DPP6: variants seen among roughly 807,000 people sequenced by gnomAD.
DPP6 encodes dipeptidyl peptidase like 6, also known as A-type potassium channel modulatory protein DPP6.
In DPP6, 69 loss-of-function variants were observed where a neutral mutation model predicts 122.6. That is an observed-to-expected ratio of 0.56 (90% CI 0.46 to 0.69). The LOEUF is 0.69. DPP6 is among the 30% of genes least tolerant of loss of function. The pLI, the probability that DPP6 is intolerant of heterozygous loss-of-function variation, is 0.00. For synonymous variants in DPP6, 418 were observed against 433.1 expected (o/e 0.97, Z 0.43); for missense variants, 928 against 1,116.9 (o/e 0.83, Z 2.41).
intron 3 of DPP6, among the ~76,000 whole-genome samples, chr7:154,522,727 C>T (rs1339295268): frequency 6.6e-6 from 1 of 152,162 alleles, no homozygotes; most frequent in Non-Finnish European, 1.5e-5. Context: ...TGTCTCCTCC[C>T]TCCAGGCCTA....
intron 1 of DPP6, among the ~76,000 whole-genome samples, chr7:154,176,345 A>G (rs990671825): frequency 6.6e-6 from 1 of 152,244 alleles, no homozygotes; most frequent in Non-Finnish European, 1.5e-5. Context: ...CAGGCAGTAC[A>G]TACAAACATT....
chr7:154,078,799 T>C (rs1461255914), intron 1 of DPP6, among the ~76,000 whole-genome samples: 1 of 152,130 alleles, frequency 6.6e-6, no homozygotes, highest in Non-Finnish European at 1.5e-5. Context: ...GTTTTAGACT[T>C]TAATTTTGGA....
intron 1 of DPP6, among the ~76,000 whole-genome samples, chr7:153,896,427 T>A (rs1010051354): frequency 1.3e-5 from 2 of 152,156 alleles, no homozygotes; most frequent in Non-Finnish European, 2.9e-5. Flanking sequence ...AAGGCCAAAT[T>A]TTTTTTTCAT....
At chr7:153,958,519 C>T (rs1438375553) in intron 1 of DPP6, among the ~76,000 whole-genome samples, 1 of 152,114 alleles carries the variant, frequency 6.6e-6, no homozygotes, top group African/African-American at 2.4e-5. Context: ...GAGGAGGAGA[C>T]CTCACCCTAG....
At chr7:154,362,877 C>T (rs1405286734) in intron 1 of DPP6, among the ~76,000 whole-genome samples, 1 of 152,220 alleles carries the variant, frequency 6.6e-6, no homozygotes, top group African/African-American at 2.4e-5. Context: ...ACTACATCAG[C>T]ATCAACTGGA....
At chr7:154,411,891 G>T (rs286847) in intron 1 of DPP6, among the ~76,000 whole-genome samples, 2 of 151,838 alleles carry the variant, frequency 1.3e-5, no homozygotes, top group East Asian at 3.9e-4. Context: ...CATCCTCTTC[G>T]TTTCAGGAAA....
At chr7:154,744,466 C>T (rs1338159409) in intron 8 of DPP6, among the ~76,000 whole-genome samples, 1 of 152,238 alleles carries the variant, frequency 6.6e-6, no homozygotes, top group Non-Finnish European at 1.5e-5. Context: ...CCTGGGCCCC[C>T]CACGGTGTTG....
intron 8 of DPP6, among the ~76,000 whole-genome samples, chr7:154,768,155 C>T (rs1171183325): frequency 2.6e-5 from 4 of 152,230 alleles, no homozygotes; most frequent in African/African-American, 9.6e-5. Context: ...CCATGGATGA[C>T]ACTGACCTGG....
At chr7:154,334,378 G>C (rs1046652429) in intron 1 of DPP6, among the ~76,000 whole-genome samples, 1 of 152,178 alleles carries the variant, frequency 6.6e-6, no homozygotes, top group Non-Finnish European at 1.5e-5. Flanking sequence ...AGTAATAGCT[G>C]TCTCCCCTCT....
At chr7:154,313,709 A>ATATATATATATATATATATATATATATG (rs1807137679) in intron 1 of DPP6, among the ~76,000 whole-genome samples, 1 of 32,112 alleles carries the variant, frequency 3.1e-5, no homozygotes, top group Admixed American at 3.2e-4. Context: ...ATATATATAT[A>ATATATATATATATATATATATATATATG]TATATACACA....
At chr7:154,104,253 C>T (rs1378001197) in intron 1 of DPP6, among the ~76,000 whole-genome samples, 9 of 152,154 alleles carry the variant, frequency 5.9e-5, no homozygotes, top group East Asian at 1.9e-4. Flanking sequence ...GCAGCTGCCC[C>T]GGACGGGAAG....
At chr7:154,500,579 G>A (rs1256666832) in intron 3 of DPP6, among the ~76,000 whole-genome samples, 1 of 152,114 alleles carries the variant, frequency 6.6e-6, no homozygotes, top group African/African-American at 2.4e-5. Flanking sequence ...GTTTTAAAAA[G>A]GGGAGTTTCC....
chr7:153,918,427 A>AACACACACACAC (rs5888535), intron 1 of DPP6, among the ~76,000 whole-genome samples: 1 of 110,842 alleles, frequency 9.0e-6, no homozygotes, highest in Admixed American at 9.8e-5. Flanking sequence ...AGTTAATTAA[A>AACACACACACAC]ACACACACAC....
At chr7:154,274,259 G>C (rs1404477624) in intron 1 of DPP6, among the ~76,000 whole-genome samples, 1 of 152,188 alleles carries the variant, frequency 6.6e-6, no homozygotes, top group Non-Finnish European at 1.5e-5. Flanking sequence ...AAACCGTATT[G>C]TCAGGTTCTA....
chr7:154,199,147 C>A (rs1190892726), intron 1 of DPP6, among the ~76,000 whole-genome samples: 1 of 151,972 alleles, frequency 6.6e-6, no homozygotes, highest in Non-Finnish European at 1.5e-5. Context: ...ATTTCCTTCT[C>A]CCCTAATTGC....
intron 2 of DPP6, among the ~76,000 whole-genome samples, chr7:154,469,621 G>C (rs1441441277): frequency 6.6e-6 from 1 of 152,060 alleles, no homozygotes; most frequent in African/African-American, 2.4e-5. Context: ...AAATTTCATT[G>C]TTTCTAATCT....
intron 22 of DPP6, 25 bp from the exon 23 acceptor site, chr7:154,887,651 C>A (rs1375966511): frequency 1.2e-6 from 2 of 1,613,274 alleles, no homozygotes; most frequent in Admixed American, 1.7e-5. Context: ...CCAGAGGTAA[C>A]CTCCCTCCCT....
the DPP6 span, among the ~76,000 whole-genome samples, chr7:153,759,230 T>A: frequency 6.6e-6 from 1 of 152,226 alleles, no homozygotes; most frequent in East Asian, 1.9e-4. Context: ...ACTTGGTTTC[T>A]ACTGAGTTGA....
intron 1 of DPP6, among the ~76,000 whole-genome samples, chr7:153,993,571 AGT>A (rs1402865297): frequency 6.6e-6 from 1 of 152,256 alleles, no homozygotes; most frequent in East Asian, 1.9e-4. Context: ...TAAACCAAAG[AGT>A]GTGTGTGCAT....
Sources: allele counts gnomAD v4.1 joint callset (sites outside exome capture counted in the v4.1 genomes callset), GRCh38; gene constraint gnomAD v4.1.1; transcripts MANE v1.5; gene names NCBI Gene and HGNC (gene_info 2026-07-23, HGNC 2026-07-21).